The following E2F7 variants were observed in gnomAD, a reference collection of about 807,000 sequenced individuals.
E2F7 encodes E2F transcription factor 7, also known as transcription factor E2F7.
E2F7 carries 35 observed loss-of-function variants against 81.1 expected under a neutral mutation model. That is an observed-to-expected ratio of 0.43 (90% CI 0.33 to 0.57). The LOEUF is 0.57. E2F7 is among the 20% of genes least tolerant of loss of function. The probability of loss-of-function intolerance (pLI) is 0.04; values close to 1 mark genes in which losing one functional copy is unlikely to be tolerated. For missense variants in E2F7, 961 were observed against 1,093.7 expected (o/e 0.88, Z 1.71); for synonymous variants, 416 against 416.2 (o/e 1.00, Z 0.01).
intron 4 of E2F7, among the ~76,000 whole-genome samples, chr12:77,050,007 C>A (rs1954973624): frequency 6.6e-6 from 1 of 152,178 alleles, no homozygotes; most frequent in Admixed American, 6.5e-5. Context: ...AGCACACACA[C>A]CCATCTCACA....
Position 77,030,031 on chromosome 12 carries a change from G to C in E2F7, c.1684C>G (p.Gln562Glu). Residue 562 changes from glutamine (Q) to glutamate (E), a missense_variant, in exon 10 of 13, where the codon CAG becomes GAG. Gln to Glu is a conservative substitution (Grantham distance 29). Transcript: ENST00000322886. ...ASLFMLYGSL[Q>E]EGPASGSGSE... The stretch of plus-strand genomic sequence containing the variant: ...CCTGACCCTGACGCTGGTCCCTCCT[G>C]CAGACTTCCATACAGCATGAACAGT... 6.2e-7 allele frequency: 1 copy of C among 1,614,168 alleles called. No homozygotes were observed. The highest frequency in any genetic ancestry group is 8.5e-7 in the Non-Finnish European group (1 of 1,180,034).
chr12:77,050,006 A>G (rs1211698799), intron 4 of E2F7, among the ~76,000 whole-genome samples: 1 of 152,172 alleles, frequency 6.6e-6, no homozygotes, highest in Non-Finnish European at 1.5e-5. Flanking sequence ...CAGCACACAC[A>G]CCCATCTCAC....
intron 1 of E2F7, 88 bp from the exon 2 acceptor site, chr12:77,064,723 G>A: frequency 8.8e-7 from 1 of 1,130,214 alleles, no homozygotes; most frequent in Non-Finnish European, 1.3e-6. Flanking sequence ...TTACTTGTTT[G>A]TCAATATGAA....
At position 77,043,125 on chromosome 12, in the gene E2F7, C is replaced by T; in HGVS notation, c.1063G>A (p.Glu355Lys). 1 of 1,614,224 alleles carries T rather than the reference C, an allele frequency of 6.2e-7. No homozygotes were observed. Among genetic ancestry groups the T allele is most frequent in the East Asian group, 2.2e-5 (1 of 44,882 alleles). The change falls in exon 7 of 13, where the codon GAA becomes AAA. Residue 355 changes from glutamate to lysine, a missense_variant. Glu to Lys is a moderately conservative substitution (Grantham distance 56). This residue lies in a region of E2F7 where 301 missense variants were observed against 405.0 expected (regional missense o/e 0.74). Transcript: ENST00000322886. Reference protein sequence around the residue: ...LALIKKVHVTEERGRKPAFKW... With the variant: ...LALIKKVHVTKERGRKPAFKW... ...AAGGCTGGTTTACGACCTCGCTCTT[C>T]TGTTACATGCACTTTCTTTATCAGA...
intron 4 of E2F7, among the ~76,000 whole-genome samples, chr12:77,050,143 A>G (rs1296520562): frequency 6.6e-6 from 1 of 152,204 alleles, no homozygotes; most frequent in East Asian, 1.9e-4. Flanking sequence ...ATAGGGCTTT[A>G]AACATAATGC....
chr12:77,050,434 C>T (rs1285855886), intron 4 of E2F7, 142 bp downstream of exon 4: 7 of 778,284 alleles, frequency 9.0e-6, no homozygotes, highest in South Asian at 2.8e-5. Context: ...ACAAATTTGA[C>T]GATGACAAAG....
intron 4 of E2F7, 35 bp downstream of exon 4, chr12:77,050,541 G>A (rs1390358658): frequency 1.2e-6 from 2 of 1,605,300 alleles, no homozygotes; most frequent in Middle Eastern, 1.7e-4. Flanking sequence ...CACTGTAACT[G>A]GAGACAGACC....
intron 2 of E2F7, among the ~76,000 whole-genome samples, chr12:77,063,393 A>G (rs1488775119): frequency 1.3e-5 from 2 of 152,248 alleles, no homozygotes; most frequent in Non-Finnish European, 2.9e-5. Context: ...AGAGAAATTC[A>G]TGCTAGTTTT....
chr12:77,055,834 T>G (rs556409898), intron 3 of E2F7, 21 bp downstream of exon 3: 7 of 1,552,620 alleles, frequency 4.5e-6, no homozygotes, highest in Non-Finnish European at 6.1e-6. Context: ...AAAAAATCCC[T>G]GAGGAGCACA....
At position 77,033,097 on chromosome 12, in the gene E2F7, A is replaced by G. The variant is rs755875609; in HGVS notation, c.1335T>C (p.Ile445=). The G allele has an allele frequency of 6.2e-7, 1 of 1,613,970 alleles. No homozygotes were observed. Among genetic ancestry groups the G allele is most frequent in the East Asian group, 2.2e-5 (1 of 44,860 alleles). The change falls in exon 9 of 13, where the codon ATT becomes ATC. Residue 445 remains isoleucine, a synonymous_variant. Transcript: ENST00000322886. Reference sequence around the variant, plus strand: ...GTCTATAGACAGCTGCCAGGCTTCCAATTTCTAAAGAGTAGCCACCTGATC... The same window carrying G: ...GTCTATAGACAGCTGCCAGGCTTCCGATTTCTAAAGAGTAGCCACCTGATC... ...EQGSGGYSLE[I]GSLAAVYRQK...
intron 7 of E2F7, among the ~76,000 whole-genome samples, chr12:77,041,193 T>C (rs1345007944): frequency 6.6e-6 from 1 of 152,180 alleles, no homozygotes; most frequent in Non-Finnish European, 1.5e-5. Context: ...CCAGCTATCT[T>C]ACTTTCTTCT....
chr12:77,023,759 G>T lies in E2F7; in HGVS notation c.*256C>A, dbSNP rs932114660. 2 of 417,032 alleles carry T rather than the reference G, an allele frequency of 4.8e-6. No individual in the cohort carries two copies. Among genetic ancestry groups the T allele is most frequent in the Admixed American group, 4.0e-5 (1 of 25,308 alleles). The allele number at this position is 417,032 out of a possible 1,614,324, so 25.8% of individuals were successfully genotyped here. A position where few individuals can be genotyped will look rare whatever the true frequency, so the allele number is the denominator to read the frequency against. On this transcript the variant is annotated 3_prime_UTR_variant, in exon 13 of 13. Transcript: ENST00000322886. Reference sequence around the variant, plus strand: ...TTCAGATCTACTTCCAGAATAAGACGATTCTTGAATCAAAACCATAAGTCA... The same window carrying T: ...TTCAGATCTACTTCCAGAATAAGACTATTCTTGAATCAAAACCATAAGTCA...
Position 77,055,844 on chromosome 12 carries a change from A to G in E2F7, c.369+11T>C. 1.3e-6 allele frequency: 2 copies of G among 1,578,184 alleles called. No homozygotes were observed. The highest frequency in any genetic ancestry group is 1.7e-6 in the Non-Finnish European group (2 of 1,164,626). ...GTTCTAAAAAATCCCTGAGGAGCAC[A>G]GTCTGTTTACCTGTAGAGAATCTGT... On this transcript the variant is annotated intron_variant, in intron 3 of 12. Coordinates refer to ENST00000322886, the MANE Select transcript of E2F7 (RefSeq NM_203394.3).
chr12:77,027,818 A>C lies in E2F7; in HGVS notation c.2140+65T>G. The C allele has an allele frequency of 1.9e-6, 3 of 1,574,518 alleles. No individual in the cohort carries two copies. In the South Asian group the frequency reaches 3.6e-5, roughly 19 times the overall value. On this transcript the variant is annotated intron_variant, in intron 11 of 12. Coordinates refer to ENST00000322886, the MANE Select transcript of E2F7 (RefSeq NM_203394.3). ...TTTGGGTCAGGTGACACAGACAAAA[A>C]TTTAAAAATCCAATTCTTGATCTGA...
chr12:77,052,537 A>G (rs750329375), intron 3 of E2F7, among the ~76,000 whole-genome samples: 2 of 152,226 alleles, frequency 1.3e-5, no homozygotes, highest in Non-Finnish European at 2.9e-5. Flanking sequence ...CATACCATAC[A>G]CAAAAAGCAA....
At chr12:77,049,549 C>G (rs755001649) in intron 4 of E2F7, among the ~76,000 whole-genome samples, 1 of 152,184 alleles carries the variant, frequency 6.6e-6, no homozygotes, top group Non-Finnish European at 1.5e-5. Context: ...GGTTACTTCA[C>G]TTTTTAAAGC....
intron 2 of E2F7, among the ~76,000 whole-genome samples, chr12:77,057,201 G>C (rs1490846624): frequency 1.3e-5 from 2 of 151,548 alleles, no homozygotes; most frequent in African/African-American, 4.9e-5. Flanking sequence ...TTCCAGTGGT[G>C]TGCATACTAC....
At chr12:77,064,716 CTTGT>C (rs768397911) in intron 1 of E2F7, 81 bp from the exon 2 acceptor site, 223 of 1,191,972 alleles carry the variant, frequency 1.9e-4, no homozygotes, top group Non-Finnish European at 2.6e-4. Flanking sequence ...ATATGTGTTA[CTTGT>C]TTGTCAATAT....
chr12:77,029,219 C>T (rs935774644), intron 10 of E2F7, among the ~76,000 whole-genome samples: 1 of 152,172 alleles, frequency 6.6e-6, no homozygotes, highest in East Asian at 1.9e-4. Context: ...GTAATGATTT[C>T]CACGAAGTGT....
Sources: gnomAD v4.1 joint callset for allele counts (sites outside exome capture counted in the v4.1 genomes callset) on GRCh38, gnomAD v4.1.1 for gene constraint, gnomAD v4.1.1 regional missense constraint, MANE v1.5 for transcripts, NCBI Gene and HGNC (gene_info 2026-07-23, HGNC 2026-07-21) for gene names.